KIFC3: variants seen among roughly 807,000 people sequenced by gnomAD.
KIFC3 encodes kinesin-like protein KIFC3.
In KIFC3, 60 loss-of-function variants were observed where a neutral mutation model predicts 101.8. The ratio of observed to expected loss-of-function variants is 0.59; its 90% confidence interval spans 0.48 to 0.73. The LOEUF is 0.73. Among genes scored for constraint, KIFC3 ranks in the 30% least tolerant of loss-of-function variants. The pLI, the probability that KIFC3 is intolerant of heterozygous loss-of-function variation, is 0.00. For synonymous variants in KIFC3, 476 were observed against 482.7 expected (o/e 0.99, Z 0.18); for missense variants, 966 against 1,137.1 (o/e 0.85, Z 2.16).
chr16:57,844,325 G>A (rs992379266), intron 1 of KIFC3, among the ~76,000 whole-genome samples: 1 of 151,484 alleles, frequency 6.6e-6, no homozygotes, highest in Non-Finnish European at 1.5e-5. Context: ...AGCTACTCGG[G>A]AGGGTGAGGC....
chr16:57,848,079 C>T (rs1258572172), intron 1 of KIFC3, among the ~76,000 whole-genome samples: 4 of 152,230 alleles, frequency 2.6e-5, no homozygotes, highest in African/African-American at 9.6e-5. Flanking sequence ...GGCCACCATG[C>T]TTGGCCTGGA....
intron 1 of KIFC3, among the ~76,000 whole-genome samples, chr16:57,861,982 A>G (rs1959307494): frequency 6.6e-6 from 1 of 152,038 alleles, no homozygotes; most frequent in African/African-American, 2.4e-5. Flanking sequence ...AATCTTTCCA[A>G]CAGGTAAAAT....
At chr16:57,831,533 T>G (rs1555479298) in intron 1 of KIFC3, among the ~76,000 whole-genome samples, 1 of 152,070 alleles carries the variant, frequency 6.6e-6, no homozygotes, top group African/African-American at 2.4e-5. Flanking sequence ...AAAAATACTG[T>G]TTTTTAATTA....
Position 57,798,069 on chromosome 16 carries a change from C to A in KIFC3, c.172+3G>T. 1 of 1,592,210 alleles carries A rather than the reference C, an allele frequency of 6.3e-7. No homozygotes were observed. The highest frequency in any genetic ancestry group is 8.5e-7 in the Non-Finnish European group (1 of 1,169,644). On this transcript the variant is annotated splice_donor_region_variant and intron_variant, in intron 2 of 19. Transcript: ENST00000445690. ...AAGAGGCATTTTAAAAATGCGGACT[C>A]ACCAGTTCTCAACCTCCCCGGGCCG...
intron 1 of KIFC3, among the ~76,000 whole-genome samples, chr16:57,817,110 G>A (rs1374512920): frequency 6.6e-6 from 1 of 152,174 alleles, no homozygotes; most frequent in Admixed American, 6.5e-5. Flanking sequence ...TGTAATCCCA[G>A]CACTTTGGGA....
chr16:57,790,988 C>G lies in KIFC3; in HGVS notation c.315+4011G>C, dbSNP rs570081340. 8.7e-5 allele frequency: 80 copies of G among 919,046 alleles called. No homozygotes were observed. In the Admixed American group the frequency reaches 1.2e-3, roughly 13 times the overall value. The allele number at this position is 919,046 out of a possible 1,614,324, so 56.9% of individuals were successfully genotyped here. On this transcript the variant is annotated intron_variant, in intron 3 of 19. Coordinates refer to ENST00000445690, the MANE Select transcript of KIFC3 (RefSeq NM_001130100.2). ...GTGGCTCACACCTGTAATCCCAGCA[C>G]TTTGAGAGGCTGAGGCGGGTGGATC...
At position 57,761,652 on chromosome 16, in the gene KIFC3, C is replaced by G; in HGVS notation, c.1749-116G>C. 2.6e-6 allele frequency: 3 copies of G among 1,143,322 alleles called. 1 individual carries two copies. In the South Asian group the frequency reaches 4.2e-5, roughly 16 times the overall value. 70.8% of individuals were successfully genotyped at this position (1,143,322 alleles called of 1,614,324 possible). Reference sequence around the variant, plus strand: ...AACCCAGGAAGCCTTCTCCAGCCATCAGCTGAGTGCATCTCTCCTCCTCCA... The same window carrying G: ...AACCCAGGAAGCCTTCTCCAGCCATGAGCTGAGTGCATCTCTCCTCCTCCA... On this transcript the variant is annotated intron_variant, in intron 13 of 19. Coordinates refer to ENST00000445690, the MANE Select transcript of KIFC3 (RefSeq NM_001130100.2).
At chr16:57,801,421 A>G (rs184012695) in intron 1 of KIFC3, among the ~76,000 whole-genome samples, 2 of 152,226 alleles carry the variant, frequency 1.3e-5, no homozygotes, top group Non-Finnish European at 2.9e-5. Context: ...CCCTGTGAAC[A>G]GCAGAACTCA....
chr16:57,813,318 G>A (rs1468280342), intron 1 of KIFC3, among the ~76,000 whole-genome samples: 5 of 151,556 alleles, frequency 3.3e-5, no homozygotes, highest in Admixed American at 1.3e-4. Flanking sequence ...ACAAAGCAAG[G>A]CCTTGTCTCA....
chr16:57,768,357 A>T (rs1412029196), intron 9 of KIFC3, among the ~76,000 whole-genome samples: 1 of 152,164 alleles, frequency 6.6e-6, no homozygotes, highest in Non-Finnish European at 1.5e-5. Context: ...AAAAACAAAA[A>T]AATGCTGTGT....
intron 1 of KIFC3, among the ~76,000 whole-genome samples, chr16:57,857,896 G>A (rs142869072): frequency 0.092 from 12,012 of 131,066 alleles, 609 homozygotes; most frequent in South Asian, 0.13. Context: ...GCACGATCTC[G>A]GCTCACTGCA....
At chr16:57,804,308 A>C (rs2054882431), upstream of KIFC3, among the ~76,000 whole-genome samples, 1 of 152,152 alleles carries the variant, frequency 6.6e-6, no homozygotes, top group Admixed American at 6.5e-5. Context: ...TTTATAAACA[A>C]AATCCCATTT....
At chr16:57,797,608 C>A in intron 2 of KIFC3, 1 of 837,056 alleles carries the variant, frequency 1.2e-6, no homozygotes, top group South Asian at 3.9e-5. Context: ...GCCACGTTCC[C>A]GAGCAGCCTC....
In KIFC3 at chr16:57,813,760, C is replaced by T. The variant is rs4262935; in HGVS notation, c.109-15478G>A. The T allele has an allele frequency of 0.028, 27,901 of 984,732 alleles. 827 individuals are homozygous for T. The East Asian group carries it at 0.29, about 10-fold the overall frequency. 61.0% of individuals were successfully genotyped at this position (984,732 alleles called of 1,614,324 possible). The stretch of plus-strand genomic sequence containing the variant: ...TGGCATCCTCACAGCCTCTGCAGCA[C>T]GTGCCTTCAGAGGGAAGAGAACCGG... On this transcript the variant is annotated intron_variant, in intron 1 of 2. Transcript: ENST00000563028.
At chr16:57,850,182 T>C (rs2056019704) in intron 1 of KIFC3, among the ~76,000 whole-genome samples, 1 of 151,818 alleles carries the variant, frequency 6.6e-6, no homozygotes, top group African/African-American at 2.4e-5. Context: ...GGAGAATTGC[T>C]TGAGCCCAGA....
chr16:57,767,883 C>T (rs1406299084), intron 9 of KIFC3, among the ~76,000 whole-genome samples: 7 of 152,078 alleles, frequency 4.6e-5, no homozygotes, highest in East Asian at 1.9e-4. Context: ...ACTATGTTGC[C>T]GAAGCTGGTC....
upstream of KIFC3, chr16:57,803,534 G>A (rs1203470730): frequency 2.1e-5 from 8 of 385,484 alleles, no homozygotes; most frequent in Non-Finnish European, 3.6e-5. Flanking sequence ...GAGGACTGGA[G>A]GGGGTCGGGC....
intron 3 of KIFC3, among the ~76,000 whole-genome samples, chr16:57,780,413 A>C (rs1332531218): frequency 6.6e-6 from 1 of 151,952 alleles, no homozygotes; most frequent in African/African-American, 2.4e-5. Flanking sequence ...CAGGAGGCTG[A>C]AGTGGGAGAA....
At chr16:57,832,914 A>G (rs2055613146) in intron 1 of KIFC3, among the ~76,000 whole-genome samples, 1 of 152,098 alleles carries the variant, frequency 6.6e-6, no homozygotes, top group African/African-American at 2.4e-5. Flanking sequence ...TTTTATTAAA[A>G]ATATATAAGC....
Sources: gnomAD v4.1 joint callset for allele counts (sites outside exome capture counted in the v4.1 genomes callset) on GRCh38, gnomAD v4.1.1 for gene constraint, MANE v1.5 for transcripts, NCBI Gene and HGNC (gene_info 2026-07-23, HGNC 2026-07-21) for gene names.